The following OSGIN2 variants were observed in gnomAD, a reference collection of about 807,000 sequenced individuals.
The protein encoded by OSGIN2 is oxidative stress-induced growth inhibitor 2.
Under a neutral mutation model 53.8 loss-of-function variants are expected in OSGIN2, and 19 were observed. That is an observed-to-expected ratio of 0.35 (90% CI 0.25 to 0.52). The LOEUF is 0.52. Ranked by LOEUF, OSGIN2 falls within the 20% of genes least tolerant of loss-of-function variation. The probability of loss-of-function intolerance (pLI) is 0.95; values close to 1 mark genes in which losing one functional copy is unlikely to be tolerated. For missense variants in OSGIN2, 520 were observed against 662.7 expected, an observed-to-expected ratio of 0.78 and a Z score of 2.36; for synonymous variants, 236 against 236.0, an observed-to-expected ratio of 1.00 and a Z score of 0.00.
At chr8:89,915,222 C>T (rs1407989940) in intron 4 of OSGIN2, among the ~76,000 whole-genome samples, 1 of 152,212 alleles carries the variant, frequency 6.6e-6, no homozygotes, top group East Asian at 1.9e-4. Context: ...GTTCTGGAGG[C>T]TGGAAGTCCC....
At chr8:89,920,615 G>T (rs774100885) in intron 4 of OSGIN2, among the ~76,000 whole-genome samples, 15 of 152,114 alleles carry the variant, frequency 9.9e-5, no homozygotes, top group Non-Finnish European at 1.9e-4. Flanking sequence ...AATTGATGGA[G>T]GAGGGAAAAG....
chr8:89,913,031 CA>C (rs1450078404), intron 2 of OSGIN2, among the ~76,000 whole-genome samples: 1 of 152,082 alleles, frequency 6.6e-6, no homozygotes, highest in Non-Finnish European at 1.5e-5. Flanking sequence ...AAAGACATTT[CA>C]AAAGGCCAAC....
At chr8:89,913,766 T>G (rs1163596739) in intron 2 of OSGIN2, among the ~76,000 whole-genome samples, 1 of 152,152 alleles carries the variant, frequency 6.6e-6, no homozygotes, top group Non-Finnish European at 1.5e-5. Flanking sequence ...AAGTTATTAG[T>G]GGGCCATTCT....
At chr8:89,915,551 A>C (rs1428490899) in intron 4 of OSGIN2, among the ~76,000 whole-genome samples, 1 of 152,188 alleles carries the variant, frequency 6.6e-6, no homozygotes, top group Non-Finnish European at 1.5e-5. Flanking sequence ...GCATTTCATT[A>C]GGGGGCCAGT....
intron 5 of OSGIN2, 114 bp from the exon 6 acceptor site, chr8:89,924,389 C>T: frequency 1.3e-6 from 1 of 757,656 alleles, no homozygotes; most frequent in Non-Finnish European, 2.2e-6. Flanking sequence ...TAATGTATAG[C>T]TAAGACAGTC....
Position 89,921,107 on chromosome 8 carries a change from A to G in OSGIN2, c.556A>G (p.Ser186Gly), listed in dbSNP as rs1328103159. The change falls in exon 5 of 6, where the codon AGC becomes GGC. Residue 186 changes from serine (S) to glycine (G), a missense_variant. Around this residue, in one of 3 missense-constraint regions of OSGIN2, gnomAD observed 203 missense variants for 275.3 expected, o/e 0.74. Coordinates refer to ENST00000451899, the MANE Select transcript of OSGIN2 (RefSeq NM_001126111.3). ...TATGGAAGGCTCCATGTTGACAATC[A>G]GCTTTGGAAGTTGGATGGAACTACC... Reference protein sequence around the residue: ...HNMEGSMLTISFGSWMELPGL... With the variant: ...HNMEGSMLTIGFGSWMELPGL... 5.6e-6 allele frequency: 9 copies of G among 1,602,210 alleles called. No homozygotes were observed. Among genetic ancestry groups the G allele is most frequent in the Non-Finnish European group, 7.7e-6 (9 of 1,173,406 alleles).
chr8:89,919,395 G>C (rs1439049150), intron 4 of OSGIN2, among the ~76,000 whole-genome samples: 1 of 152,200 alleles, frequency 6.6e-6, no homozygotes, highest in Non-Finnish European at 1.5e-5. Context: ...GGTGTCGAGG[G>C]ATGTTTTCTG....
intron 1 of OSGIN2, among the ~76,000 whole-genome samples, chr8:89,907,117 TTTTTCTTGTAAA>T (rs747120070): frequency 2.6e-5 from 4 of 152,142 alleles, no homozygotes; most frequent in Non-Finnish European, 5.9e-5. Flanking sequence ...GTGGGGTTGT[TTTTTCTTGTAAA>T]TTTAAGTTCC....
chr8:89,914,473 G>T, intron 3 of OSGIN2, 82 bp from the exon 4 acceptor site: 1 of 1,021,730 alleles, frequency 9.8e-7, no homozygotes, highest in Non-Finnish European at 1.5e-6. Context: ...TTTTATCATT[G>T]GAGCATCATG....
chr8:89,923,826 T>C (rs1809256216), intron 5 of OSGIN2, among the ~76,000 whole-genome samples: 1 of 152,232 alleles, frequency 6.6e-6, no homozygotes, highest in Non-Finnish European at 1.5e-5. Context: ...TTATCTCTGA[T>C]TGGGGCAGGG....
intron 2 of OSGIN2, among the ~76,000 whole-genome samples, chr8:89,913,516 T>A (rs569869327): frequency 6.6e-6 from 1 of 152,284 alleles, no homozygotes; most frequent in African/African-American, 2.4e-5. Flanking sequence ...GTATGTGAAA[T>A]GATTGGGAGT....
intron 1 of OSGIN2, among the ~76,000 whole-genome samples, chr8:89,909,346 A>G (rs1808918213): frequency 6.6e-6 from 1 of 152,052 alleles, no homozygotes; most frequent in African/African-American, 2.4e-5. Context: ...TTGTGAGAGA[A>G]AAGCAACTAT....
At chr8:89,904,117 TAAA>T (rs1356060419) in intron 1 of OSGIN2, among the ~76,000 whole-genome samples, 1 of 152,210 alleles carries the variant, frequency 6.6e-6, no homozygotes, top group African/African-American at 2.4e-5. Flanking sequence ...TTTCATATAA[TAAA>T]CTGCTTGATT....
chr8:89,910,536 G>A (rs1218857951), intron 2 of OSGIN2, among the ~76,000 whole-genome samples: 1 of 152,138 alleles, frequency 6.6e-6, no homozygotes. Context: ...CTTGTGGGAG[G>A]AAAAGAGGAG....
Position 89,925,014 on chromosome 8 carries a change from C to G in OSGIN2, c.1132C>G (p.Arg378Gly). 6.2e-7 allele frequency: 1 copy of G among 1,613,888 alleles called. No individual in the cohort carries two copies. Among genetic ancestry groups the G allele is most frequent in the Non-Finnish European group, 8.5e-7 (1 of 1,179,794 alleles). The stretch of plus-strand genomic sequence containing the variant: ...CCCTGTGATTCATGTGTTTCGCAGA[C>G]GAGTAACTGATCCAAGCTTAATTTT... ...NIPVIHVFRR[R>G]VTDPSLIFKQ... The change falls in exon 6 of 6, where the codon CGA becomes GGA. Residue 378 changes from arginine to glycine, a missense_variant. Physicochemically the swap from Arg to Gly is moderately radical, Grantham distance 125. Around this residue, in one of 3 missense-constraint regions of OSGIN2, gnomAD observed 239 missense variants for 328.3 expected, o/e 0.73. Transcript: ENST00000451899.
At chr8:89,906,502 C>T (rs759467995) in intron 1 of OSGIN2, among the ~76,000 whole-genome samples, 25 of 152,162 alleles carry the variant, frequency 1.6e-4, no homozygotes, top group Admixed American at 1.0e-3. Context: ...CCTCATTTAG[C>T]TCCCCCTTAT....
chr8:89,921,224 T>G, intron 5 of OSGIN2, 53 bp downstream of exon 5: 1 of 1,042,136 alleles, frequency 9.6e-7, no homozygotes. Flanking sequence ...AAAGAGAATG[T>G]GGAAAAATTT....
intron 1 of OSGIN2, among the ~76,000 whole-genome samples, chr8:89,906,160 A>G (rs184758575): frequency 6.6e-6 from 1 of 152,332 alleles, no homozygotes; most frequent in East Asian, 1.9e-4. Flanking sequence ...AGTTTGTTTC[A>G]TCACGCAGGT....
chr8:89,914,525 T>G, intron 3 of OSGIN2, 30 bp from the exon 4 acceptor site: 1 of 1,578,004 alleles, frequency 6.3e-7, no homozygotes, highest in Non-Finnish European at 8.7e-7. Flanking sequence ...CTGGCTTTTT[T>G]CAAACTCTGT....
Sources: gnomAD v4.1 joint callset for allele counts (sites outside exome capture counted in the v4.1 genomes callset) on GRCh38, gnomAD v4.1.1 for gene constraint, gnomAD v4.1.1 regional missense constraint, MANE v1.5 for transcripts, NCBI Gene and HGNC (gene_info 2026-07-23, HGNC 2026-07-21) for gene names.